HMGA1: variants seen among roughly 807,000 people sequenced by gnomAD.
HMGA1 encodes high mobility group protein HMG-I/HMG-Y.
A neutral mutation model predicts 15.1 loss-of-function variants in HMGA1; 1 was observed. The ratio of observed to expected loss-of-function variants is 0.07; its 90% CI spans 0.02 to 0.31. The LOEUF (loss-of-function observed/expected upper bound fraction) is 0.31. Ranked by LOEUF, HMGA1 falls within the 10% of genes least tolerant of loss-of-function variation. The probability of loss-of-function intolerance (pLI) is 1.00; values close to 1 mark genes in which losing one functional copy is unlikely to be tolerated. For missense variants in HMGA1, 94 were observed against 141.4 expected (o/e 0.66, Z 1.70); for synonymous variants, 56 against 54.8 (o/e 1.02, Z -0.10).
At chr6:34,237,835 C>A (rs1414811060) in intron 2 of HMGA1, among the ~76,000 whole-genome samples, 1 of 151,850 alleles carries the variant, frequency 6.6e-6, no homozygotes, top group Admixed American at 6.5e-5. Flanking sequence ...AAATTCGGCC[C>A]TACGCCCTCT....
At chr6:34,241,216 G>A (rs916367092) in intron 3 of HMGA1, among the ~76,000 whole-genome samples, 8 of 152,098 alleles carry the variant, frequency 5.3e-5, no homozygotes, top group Admixed American at 3.9e-4. Flanking sequence ...TAAAACACTC[G>A]CCTTTTTCTT....
chr6:34,241,024 G>C, intron 3 of HMGA1, 109 bp downstream of exon 3: 1 of 1,285,422 alleles, frequency 7.8e-7, no homozygotes, highest in Non-Finnish European at 1.1e-6. Flanking sequence ...GAATGATTCT[G>C]CGCAGTAAGC....
intron 5 of HMGA1, among the ~76,000 whole-genome samples, chr6:34,244,310 G>A (rs1231892738): frequency 2.0e-5 from 3 of 152,060 alleles, no homozygotes; most frequent in African/African-American, 4.8e-5. Context: ...AGTGAGCCCC[G>A]GCGGCACACA....
intron 4 of HMGA1, among the ~76,000 whole-genome samples, 189 bp downstream of exon 4, chr6:34,242,984 T>G (rs1040558646): frequency 1.3e-5 from 2 of 152,146 alleles, no homozygotes; most frequent in Non-Finnish European, 2.9e-5. Flanking sequence ...ACTAAGGTCT[T>G]ACTTCTGGGG....
chr6:34,242,670 A>ACAGG, intron 3 of HMGA1, 42 bp from the exon 4 acceptor site: 6 of 1,386,968 alleles, frequency 4.3e-6, no homozygotes, highest in Non-Finnish European at 6.0e-6. Flanking sequence ...GGGGGTGGAA[A>ACAGG]CAGGTGATGA....
At chr6:34,244,764 G>A (rs1338378914) in intron 5 of HMGA1, 67 bp from the exon 6 acceptor site, 3 of 1,390,158 alleles carry the variant, frequency 2.2e-6, no homozygotes, top group Non-Finnish European at 3.0e-6. Flanking sequence ...AGCGGGTGGG[G>A]CCAGCCTCTG....
chr6:34,239,130 A>G (rs945847718), intron 2 of HMGA1, among the ~76,000 whole-genome samples: 4 of 152,226 alleles, frequency 2.6e-5, no homozygotes, highest in Non-Finnish European at 5.9e-5. Flanking sequence ...CTGAAACATT[A>G]TAAGATAGAA....
In HMGA1 at chr6:34,245,485, T is replaced by C. The variant is rs1157647754; in HGVS notation, c.*601T>C. 6.5e-6 allele frequency: 9 copies of C among 1,380,404 alleles called. No individual in the cohort carries two copies. In the Admixed American group the frequency reaches 2.0e-4, roughly 30 times the overall value. The allele number at this position is 1,380,404 out of a possible 1,614,324, so 85.5% of individuals were successfully genotyped here. On this transcript the variant is annotated 3_prime_UTR_variant, in exon 6 of 6. Coordinates refer to ENST00000311487, the MANE Select transcript of HMGA1 (RefSeq NM_145899.3). ...ACTTTTCATCCTTCCCCAACTTCCC[T>C]AGTCCCCGTACTAGGTTGGACAGCC... is the stretch of plus-strand genomic sequence containing the variant.
intron 4 of HMGA1, 82 bp from the exon 5 acceptor site, chr6:34,243,386 G>T: frequency 9.3e-7 from 1 of 1,075,866 alleles, no homozygotes; most frequent in Non-Finnish European, 1.4e-6. Context: ...AGGCAGGTAG[G>T]TCTGCCCCCC....
Position 34,240,378 on chromosome 6 carries a change from G to A in HMGA1, c.-44-359G>A, listed in dbSNP as rs185182872. Among the ~76,000 whole-genome samples, 65 of 152,252 alleles carry A rather than the reference G, an allele frequency of 4.3e-4. No homozygotes were observed. The East Asian group carries it at 0.012, about 27-fold the overall frequency. On this transcript the variant is annotated intron_variant, in intron 2 of 5. Transcript: ENST00000311487. ...CAGAAGGAGGGGATGCTGGCAATAC[G>A]TCAGATCTCACCTCCCCACACCTTT...
chr6:34,237,405 G>T (rs1240640754), intron 2 of HMGA1, 88 bp downstream of exon 2: 2 of 144,638 alleles, frequency 1.4e-5, no homozygotes, highest in Non-Finnish European at 3.1e-5. Flanking sequence ...CGAGCCGCCC[G>T]GGGCTGCAGC....
chr6:34,238,220 G>A (rs1761978973), intron 2 of HMGA1, among the ~76,000 whole-genome samples: 1 of 152,008 alleles, frequency 6.6e-6, no homozygotes, highest in Non-Finnish European at 1.5e-5. Flanking sequence ...GGGGTGCGCT[G>A]CTTTCCCGCG....
intron 2 of HMGA1, among the ~76,000 whole-genome samples, chr6:34,237,587 T>C (rs1205309538): frequency 2.0e-4 from 28 of 137,706 alleles, no homozygotes; most frequent in Non-Finnish European, 1.6e-4. Flanking sequence ...AGGCGCGCGG[T>C]GGGGGAGGGG....
At chr6:34,237,801 TGAG>T (rs1252938078) in intron 2 of HMGA1, among the ~76,000 whole-genome samples, 2 of 151,468 alleles carry the variant, frequency 1.3e-5, no homozygotes, top group Non-Finnish European at 3.0e-5. Context: ...GTTCTGGAAG[TGAG>T]GGAGATGGGG....
At position 34,244,797 on chromosome 6, in the gene HMGA1, C is replaced by T. The variant is rs550715781; in HGVS notation, c.271-34C>T. On this transcript the variant is annotated intron_variant, in intron 5 of 5. Coordinates refer to ENST00000311487, the MANE Select transcript of HMGA1 (RefSeq NM_145899.3). Reference sequence around the variant, plus strand: ...CTGGGGGTGGAAGAGGGGGACCGGGCCAGAGCTCACACCAACAACTGCCCA... The same window carrying T: ...CTGGGGGTGGAAGAGGGGGACCGGGTCAGAGCTCACACCAACAACTGCCCA... The T allele has an allele frequency of 9.6e-5, 148 of 1,548,868 alleles. 1 individual carries two copies. The East Asian group carries it at 2.3e-3, about 24-fold the overall frequency.
intron 4 of HMGA1, 48 bp downstream of exon 4, chr6:34,242,843 T>G (rs1762410871): frequency 7.0e-7 from 1 of 1,422,038 alleles, no homozygotes; most frequent in Non-Finnish European, 9.7e-7. Context: ...TAGCAGAGGA[T>G]CCTCTTGTTG....
intron 2 of HMGA1, among the ~76,000 whole-genome samples, chr6:34,237,945 C>T (rs984392290): frequency 3.3e-5 from 5 of 152,164 alleles, no homozygotes; most frequent in African/African-American, 7.2e-5. Flanking sequence ...CGCGCCTCTT[C>T]AGCCCCAGGG....
At position 34,244,951 on chromosome 6, in the gene HMGA1, G is replaced by A. The variant is rs758268707; in HGVS notation, c.*67G>A. ...TTCTGGGACTGGACAGCTTTGCTCC[G>A]CTCCCACCGCCCCCACCCCTTCCCC... is the stretch of plus-strand genomic sequence containing the variant. On this transcript the variant is annotated 3_prime_UTR_variant, in exon 6 of 6. Transcript: ENST00000311487. The A allele has an allele frequency of 3.5e-5, 54 of 1,546,636 alleles. No homozygotes were observed. In the South Asian group the frequency reaches 3.8e-4, roughly 11 times the overall value.
chr6:34,242,450 A>G (rs1215696193), intron 3 of HMGA1, among the ~76,000 whole-genome samples: 4 of 152,228 alleles, frequency 2.6e-5, no homozygotes, highest in Non-Finnish European at 5.9e-5. Context: ...TTCTGTCCCC[A>G]GAATGCCTTT....
Sources: gnomAD v4.1 joint callset for allele counts (sites outside exome capture counted in the v4.1 genomes callset) on GRCh38, gnomAD v4.1.1 for gene constraint, MANE v1.5 for transcripts, NCBI Gene and HGNC (gene_info 2026-07-23, HGNC 2026-07-21) for gene names.